TCERG1L: variants seen among roughly 807,000 people sequenced by gnomAD.
The protein encoded by TCERG1L is transcription elongation regulator 1 like.
TCERG1L carries 37 observed loss-of-function variants against 56.3 expected under a neutral mutation model. That is an observed-to-expected ratio of 0.66 (90% confidence interval 0.51 to 0.87). The LOEUF (loss-of-function observed/expected upper bound fraction) is 0.87, where lower values mean the gene tolerates loss of function less well. Ranked by LOEUF, TCERG1L falls within the 40% of genes least tolerant of loss-of-function variation. TCERG1L has a pLI of 0.00. For missense variants in TCERG1L, 799 were observed against 774.2 expected (o/e 1.03, Z -0.38); for synonymous variants, 324 against 326.3 (o/e 0.99, Z 0.08).
chr10:131,299,010 ATTTCT>A (rs1248506313), intron 3 of TCERG1L, among the ~76,000 whole-genome samples: 1 of 152,110 alleles, frequency 6.6e-6, no homozygotes, highest in African/African-American at 2.4e-5. Context: ...TCAATTGTGA[ATTTCT>A]TTTATTAGAT....
At chr10:131,279,341 C>T (rs757687612) in intron 3 of TCERG1L, among the ~76,000 whole-genome samples, 12 of 152,304 alleles carry the variant, frequency 7.9e-5, no homozygotes, top group South Asian at 6.2e-4. Flanking sequence ...GAGTGTAAGA[C>T]GCTCAGTGCC....
intron 3 of TCERG1L, among the ~76,000 whole-genome samples, chr10:131,287,715 G>A (rs1013190304): frequency 1.3e-5 from 2 of 152,122 alleles, no homozygotes; most frequent in Admixed American, 1.3e-4. Context: ...TAAATAGGCC[G>A]GGCATTGCAG....
At chr10:131,208,491 A>G (rs1027735621) in intron 4 of TCERG1L, among the ~76,000 whole-genome samples, 8 of 152,202 alleles carry the variant, frequency 5.3e-5, no homozygotes, top group African/African-American at 1.9e-4. Context: ...CGTCCTCAGC[A>G]TCCCCTTCTC....
chr10:131,307,125 CATTAA>C (rs767587424), intron 3 of TCERG1L, among the ~76,000 whole-genome samples: 61 of 152,308 alleles, frequency 4.0e-4, no homozygotes, highest in African/African-American at 1.3e-3. Context: ...CTTTTATCAT[CATTAA>C]ATTAAATAGG....
At position 131,260,245 on chromosome 10, in the gene TCERG1L, C is replaced by G. The variant is rs763659410; in HGVS notation, c.856+14G>C. On this transcript the variant is annotated intron_variant, in intron 4 of 11. Transcript: ENST00000368642. This position sits in a 1 kb window ranked among gnomAD's most constrained non-coding sequence, Gnocchi z 5.8. Reference sequence around the variant, plus strand: ...AAGGCAGCACCAGGCGTCGGGACGGCGCTCCGAGCCTACCTGAGACGGGGG... The same window carrying G: ...AAGGCAGCACCAGGCGTCGGGACGGGGCTCCGAGCCTACCTGAGACGGGGG... 7.4e-7 allele frequency: 1 copy of G among 1,348,918 alleles called. No individual in the cohort carries two copies. Among genetic ancestry groups the G allele is most frequent in the Non-Finnish European group, 9.6e-7 (1 of 1,044,956 alleles). 83.6% of individuals were successfully genotyped at this position (1,348,918 alleles called of 1,614,324 possible).
Position 131,308,517 on chromosome 10 carries a change from T to C in TCERG1L, c.490-126A>G. On this transcript the variant is annotated intron_variant, in intron 2 of 11. Transcript: ENST00000368642. ...TTGAACATTCTATTATTGGGGACTC[T>C]ATAAAACCATCATTCTAAAACTTAA... is the stretch of plus-strand genomic sequence containing the variant. The C allele has an allele frequency of 2.7e-6, 2 of 754,426 alleles. 1 individual carries two copies. The highest frequency in any genetic ancestry group is 3.9e-5 in the South Asian group (2 of 51,848). The allele number at this position is 754,426 out of a possible 1,614,324, so 46.7% of individuals were successfully genotyped here. A position where few individuals can be genotyped will look rare whatever the true frequency, so the allele number is the denominator to read the frequency against.
chr10:131,186,525 G>A (rs1181481906), intron 4 of TCERG1L, among the ~76,000 whole-genome samples: 1 of 152,206 alleles, frequency 6.6e-6, no homozygotes, highest in Non-Finnish European at 1.5e-5. Context: ...TCTGATGGCT[G>A]CAGAGTTGTA....
At chr10:131,240,650 C>T (rs924667850) in intron 4 of TCERG1L, among the ~76,000 whole-genome samples, 1 of 152,186 alleles carries the variant, frequency 6.6e-6, no homozygotes, top group Non-Finnish European at 1.5e-5. Context: ...ACGTGAGCCA[C>T]GCGTTTTCTA....
chr10:131,229,574 T>G (rs972934693), intron 4 of TCERG1L, among the ~76,000 whole-genome samples: 4 of 152,164 alleles, frequency 2.6e-5, no homozygotes, highest in Admixed American at 2.6e-4. Context: ...AAATACCAAT[T>G]ACCAATTAGC....
Position 131,139,710 on chromosome 10 carries a change from GTC to G in TCERG1L, c.1190-5264_1190-5263del, listed in dbSNP as rs1234579481. Among the ~76,000 whole-genome samples, 6 of 145,338 alleles carry G rather than the reference GTC, an allele frequency of 4.1e-5. No homozygotes were observed. In the East Asian group the frequency reaches 1.2e-3, roughly 30 times the overall value. On this transcript the variant is annotated intron_variant, in intron 7 of 11. Coordinates refer to ENST00000368642, the MANE Select transcript of TCERG1L (RefSeq NM_174937.4). ...TGTGTCTGTGTGTGTGTGTGTGTGT[GTC>G]TGTGTGTATGTGTGCCTGTGTATGT...
intron 3 of TCERG1L, among the ~76,000 whole-genome samples, chr10:131,278,279 A>T (rs192264354): frequency 1.2e-3 from 186 of 151,468 alleles, no homozygotes; most frequent in East Asian, 0.01. Flanking sequence ...ACTGGTGAAG[A>T]TGAGACGAGG....
chr10:131,159,872 A>G (rs1321574139), intron 6 of TCERG1L, among the ~76,000 whole-genome samples: 1 of 151,930 alleles, frequency 6.6e-6, no homozygotes, highest in South Asian at 2.1e-4. Flanking sequence ...AGGCCCCTTC[A>G]CTCTGCAATG....
chr10:131,104,384 T>C lies in TCERG1L; in HGVS notation c.1396-30A>G, dbSNP rs1272087313. The C allele has an allele frequency of 4.1e-6, 6 of 1,465,274 alleles. No homozygotes were observed. In the African/African-American group the frequency reaches 4.2e-5, roughly 10 times the overall value. 90.8% of individuals were successfully genotyped at this position (1,465,274 alleles called of 1,614,324 possible). ...AGAAAGATATTCAATAGAGTTGCTG[T>C]TAGCGTCTAATGCTAAGCCTGAAGC... On this transcript the variant is annotated intron_variant, in intron 9 of 11. Transcript: ENST00000368642.
intron 4 of TCERG1L, among the ~76,000 whole-genome samples, chr10:131,250,899 G>A (rs961587586): frequency 3.9e-5 from 6 of 152,138 alleles, no homozygotes; most frequent in Non-Finnish European, 8.8e-5. Context: ...GGCTCCATGT[G>A]ACATAGGACG....
Position 131,116,764 on chromosome 10 carries a change from C to T in TCERG1L, c.1395+35G>A, listed in dbSNP as rs377682367. ...TCAGCTGCTGTTCCCCCGGGTCTGC[C>T]GTAGGAGTGCAGCCCCTCAGCCGCT... is the stretch of plus-strand genomic sequence containing the variant. On this transcript the variant is annotated intron_variant, in intron 9 of 11. Transcript: ENST00000368642. 4.3e-5 allele frequency: 67 copies of T among 1,544,508 alleles called. No individual in the cohort carries two copies. The East Asian group carries it at 6.1e-4, about 14-fold the overall frequency.
At chr10:131,241,446 C>T (rs1216252697) in intron 4 of TCERG1L, among the ~76,000 whole-genome samples, 1 of 152,046 alleles carries the variant, frequency 6.6e-6, no homozygotes, top group Non-Finnish European at 1.5e-5. Flanking sequence ...TGACATGCTG[C>T]GTGACATGCA....
At chr10:131,115,874 G>A (rs1845455129) in intron 9 of TCERG1L, among the ~76,000 whole-genome samples, 1 of 152,296 alleles carries the variant, frequency 6.6e-6, no homozygotes, top group East Asian at 1.9e-4. Flanking sequence ...TCTCTGTTCT[G>A]CAGGGAGCTG....
chr10:131,281,523 A>G lies in TCERG1L; in HGVS notation c.671-21079T>C, dbSNP rs150992428. 6.9e-3 allele frequency among the ~76,000 whole-genome samples: 1,058 copies of G among 152,310 alleles called. 8 individuals are homozygous for G. Among genetic ancestry groups the G allele is most frequent in the Non-Finnish European group, 0.011 (730 of 68,026 alleles). On this transcript the variant is annotated intron_variant, in intron 3 of 11. Transcript: ENST00000368642. ...GGCATTTGTGCTGATGCAGGAAGGA[A>G]AAGGAAACTTTGAGTGAAGCCCAAG...
At chr10:131,244,396 C>G (rs1564824185) in intron 4 of TCERG1L, among the ~76,000 whole-genome samples, 2 of 152,160 alleles carry the variant, frequency 1.3e-5, no homozygotes, top group African/African-American at 4.8e-5. Flanking sequence ...GGTTTACGTT[C>G]AGAACAGGCA....
Sources: gnomAD v4.1 joint callset for allele counts (sites outside exome capture counted in the v4.1 genomes callset) on GRCh38, gnomAD v4.1.1 for gene constraint, Gnocchi (gnomAD v3.1) non-coding constraint, MANE v1.5 for transcripts, NCBI Gene and HGNC (gene_info 2026-07-23, HGNC 2026-07-21) for gene names.